Variants in ZDHHC11B observed in about 807,000 individuals in gnomAD.
ZDHHC11B encodes the protein zDHHC palmitoyltransferase 11B (putative).
A neutral mutation model predicts 42.3 loss-of-function variants in ZDHHC11B; 17 were observed. The observed-to-expected ratio is 0.40, with a 90% CI of 0.27 to 0.60. The LOEUF (loss-of-function observed/expected upper bound fraction) is 0.60, where lower values mean the gene tolerates loss of function less well. ZDHHC11B is among the 20% of genes least tolerant of loss of function. The pLI is 0.41. For synonymous variants in ZDHHC11B, 123 were observed against 193.5 expected, an observed-to-expected ratio of 0.64 and a Z score of 3.02; for missense variants, 262 against 463.2, an observed-to-expected ratio of 0.57 and a Z score of 3.99.
rs545627304 is a variant in ZDHHC11B, at chr5:756,244, G to T, written c.223-100C>A. 7.9e-5 allele frequency: 120 copies of T among 1,514,912 alleles called. No homozygotes were observed. In the African/African-American group the frequency reaches 1.6e-3, roughly 21 times the overall value. The allele number at this position is 1,514,912 out of a possible 1,614,324, so 93.8% of individuals were successfully genotyped here. ...CCAGAAGAGGCGTGGCCACTGGTCA[G>T]CCCTGCTCACCCAGCCCTGCACACG... is the stretch of plus-strand genomic sequence containing the variant. On this transcript the variant is annotated intron_variant, in intron 4 of 13. Transcript: ENST00000508859.
At chr5:778,100 G>A (rs1314250406) in intron 1 of ZDHHC11B, among the ~76,000 whole-genome samples, 1 of 151,956 alleles carries the variant, frequency 6.6e-6, no homozygotes, top group Non-Finnish European at 1.5e-5. Flanking sequence ...TGCAAAGGAC[G>A]CTGCGGCGGA....
chr5:761,979 C>T (rs1734686704), intron 4 of ZDHHC11B, among the ~76,000 whole-genome samples: 1 of 148,114 alleles, frequency 6.8e-6, no homozygotes, highest in African/African-American at 2.5e-5. Context: ...TGGCCACTCA[C>T]AGCCATGATG....
At chr5:773,873 C>G (rs147774669) in intron 1 of ZDHHC11B, among the ~76,000 whole-genome samples, 1 of 151,846 alleles carries the variant, frequency 6.6e-6, no homozygotes, top group Non-Finnish European at 1.5e-5. Context: ...ATGGTGCCTA[C>G]GGGCTCACCC....
intron 10 of ZDHHC11B, among the ~76,000 whole-genome samples, chr5:741,306 G>C (rs1263011436): frequency 3.4e-5 from 5 of 148,918 alleles, no homozygotes; most frequent in African/African-American, 1.2e-4. Flanking sequence ...TTCATGGAGA[G>C]ATGTAGAAAT....
In ZDHHC11B at chr5:714,201, G is replaced by A. The variant is rs1213724429; in HGVS notation, c.*8-1919C>T. Among the ~76,000 whole-genome samples the A allele has an allele frequency of 6.3e-3, 805 of 127,040 alleles. 30 individuals are homozygous for A. The highest frequency in any genetic ancestry group is 0.017 in the East Asian group (76 of 4,464). 83.3% of individuals were successfully genotyped at this position (127,040 alleles called of 152,430 possible). ...GACTTGCCACATGACTAGAACCTCT[G>A]GCTTCATTTCATTCCTTCTTTCTTT... is the stretch of plus-strand genomic sequence containing the variant. On this transcript the variant is annotated intron_variant, in intron 13 of 13. Transcript: ENST00000508859.
intron 13 of ZDHHC11B, among the ~76,000 whole-genome samples, chr5:713,796 G>A (rs1199970339): frequency 6.6e-6 from 1 of 151,928 alleles, no homozygotes; most frequent in Non-Finnish European, 1.5e-5. Context: ...GGGTAGAGAA[G>A]TGAGTTGCTT....
intron 4 of ZDHHC11B, among the ~76,000 whole-genome samples, chr5:758,063 C>T (rs1487484714): frequency 3.3e-5 from 5 of 151,830 alleles, no homozygotes; most frequent in African/African-American, 7.3e-5. Context: ...CTGACATGAC[C>T]GAGCCTGCAT....
At chr5:772,379 A>G (rs552626) in intron 1 of ZDHHC11B, among the ~76,000 whole-genome samples, 19,208 of 96,140 alleles carry the variant, frequency 0.2, 1,473 homozygotes, top group Non-Finnish European at 0.25. Flanking sequence ...CAGGGGTCAG[A>G]CCATCGCCGG....
chr5:730,559 A>T, intron 11 of ZDHHC11B, 91 bp from the exon 12 acceptor site: 4 of 1,341,532 alleles, frequency 3.0e-6, no homozygotes, highest in Non-Finnish European at 3.0e-6. Flanking sequence ...GTTCATTACT[A>T]GTCAGTTCTG....
intron 12 of ZDHHC11B, 87 bp downstream of exon 12, chr5:730,347 T>A (rs1316526292): frequency 7.0e-7 from 1 of 1,435,514 alleles, no homozygotes; most frequent in East Asian, 2.5e-5. Flanking sequence ...TTGAACATGT[T>A]AAATAGAGAA....
intron 4 of ZDHHC11B, among the ~76,000 whole-genome samples, chr5:758,145 C>T (rs759200013): frequency 1.3e-4 from 20 of 151,826 alleles, no homozygotes; most frequent in African/African-American, 4.1e-4. Flanking sequence ...ATGTGGTCAC[C>T]GGGGCAACAG....
Position 758,496 on chromosome 5 carries a change from G to A in ZDHHC11B, c.223-2352C>T, listed in dbSNP as rs569389792. Among the ~76,000 whole-genome samples, 75 of 151,932 alleles carry A rather than the reference G, an allele frequency of 4.9e-4. 1 individual carries two copies. The South Asian group carries it at 0.014, about 28-fold the overall frequency. Reference sequence around the variant, plus strand: ...GCCTGGGGATGGTGTGGCCCTAACCGGGACCCATTGACTTCCCTGTGGAGG... The same window carrying A: ...GCCTGGGGATGGTGTGGCCCTAACCAGGACCCATTGACTTCCCTGTGGAGG... On this transcript the variant is annotated intron_variant, in intron 4 of 13. Coordinates refer to ENST00000508859, the MANE Select transcript of ZDHHC11B (RefSeq NM_001351303.2).
intron 10 of ZDHHC11B, among the ~76,000 whole-genome samples, chr5:737,055 A>G (rs1743605729): frequency 6.7e-6 from 1 of 148,550 alleles, no homozygotes; most frequent in Non-Finnish European, 1.5e-5. Context: ...CACAAACAAA[A>G]TTGATTGACC....
intron 4 of ZDHHC11B, among the ~76,000 whole-genome samples, chr5:763,166 A>C (rs439874): frequency 2.0e-5 from 3 of 151,538 alleles, no homozygotes; most frequent in African/African-American, 7.3e-5. Context: ...TCAGGAGTTC[A>C]AGACCAGACT....
chr5:728,777 T>A (rs1742782357), intron 12 of ZDHHC11B, among the ~76,000 whole-genome samples: 1 of 151,840 alleles, frequency 6.6e-6, no homozygotes, highest in African/African-American at 2.4e-5. Flanking sequence ...GTCCCAACAC[T>A]TTAGGAGGCT....
chr5:779,218 G>A lies in ZDHHC11B; in HGVS notation c.-230+5450C>T, dbSNP rs867472046. 3.3e-3 allele frequency among the ~76,000 whole-genome samples: 488 copies of A among 147,910 alleles called. 1 individual carries two copies. The highest frequency in any genetic ancestry group is 8.8e-3 in the African/African-American group (334 of 38,100). On this transcript the variant is annotated intron_variant, in intron 1 of 13. Transcript: ENST00000508859. ...CCAGAAGCTAGAAGAGGCAGGGAGC[G>A]TCCCACCAAGCCTCCAGAGGAAGCT...
At chr5:749,238 G>T (rs1444191651) in intron 7 of ZDHHC11B, among the ~76,000 whole-genome samples, 3 of 130,422 alleles carry the variant, frequency 2.3e-5, no homozygotes, top group African/African-American at 7.5e-5. Context: ...GAACAGGAAA[G>T]CCACAGCTCT....
chr5:722,275 C>T (rs1467436963), intron 12 of ZDHHC11B, among the ~76,000 whole-genome samples: 6 of 151,764 alleles, frequency 4.0e-5, no homozygotes, highest in Admixed American at 3.3e-4. Context: ...TTAAGCTGCA[C>T]GTGGACAGAC....
chr5:750,869 C>T (rs1745526760), intron 7 of ZDHHC11B, among the ~76,000 whole-genome samples: 1 of 126,564 alleles, frequency 7.9e-6, no homozygotes, highest in Non-Finnish European at 1.8e-5. Context: ...GTGGACCCCA[C>T]TGTCTCTCGC....
Sources: gnomAD v4.1 joint callset for allele counts (sites outside exome capture counted in the v4.1 genomes callset) on GRCh38, gnomAD v4.1.1 for gene constraint, MANE v1.5 for transcripts, NCBI Gene and HGNC (gene_info 2026-07-23, HGNC 2026-07-21) for gene names.